The following JADE3 variants were observed in gnomAD, a reference collection of about 807,000 sequenced individuals.
JADE3 encodes the protein jade family PHD finger 3.
A neutral mutation model predicts 50.1 loss-of-function variants in JADE3; 2 were observed. The ratio of observed to expected loss-of-function variants is 0.04; its 90% CI spans 0.02 to 0.13. The LOEUF is 0.13. JADE3 is among the 10% of genes least tolerant of loss of function. The pLI is 1.00. For missense variants in JADE3, 475 were observed against 634.4 expected (o/e 0.75, Z 2.70); for synonymous variants, 218 against 232.9 (o/e 0.94, Z 0.58).
At chrX:47,018,928 A>G (rs1289541875) in intron 4 of JADE3, among the ~76,000 whole-genome samples, 2 of 112,015 alleles carry the variant, frequency 1.8e-5, no homozygotes, top group African/African-American at 6.5e-5. Flanking sequence ...GTAACAGCCC[A>G]TCCCTGGGCT....
chrX:46,962,121 G>T (rs782521251), intron 1 of JADE3, among the ~76,000 whole-genome samples: 1 of 111,287 alleles, frequency 9.0e-6, no homozygotes, highest in East Asian at 2.8e-4. Flanking sequence ...TCCTCACAGG[G>T]TCTTGTTGTG....
intron 7 of JADE3, among the ~76,000 whole-genome samples, chrX:47,037,253 G>A (rs1240298896): frequency 9.0e-6 from 1 of 111,378 alleles, no homozygotes; most frequent in Non-Finnish European, 1.9e-5. Flanking sequence ...GTTTTAAAAT[G>A]TCATCCTCCT....
Position 47,056,112 on chromosome X carries a change from C to T in JADE3, c.1474C>T (p.Arg492Ter). 8.3e-7 allele frequency: 1 copy of T among 1,205,176 alleles called. No homozygotes were observed. Among genetic ancestry groups the T allele is most frequent in the Non-Finnish European group, 1.1e-6 (1 of 890,240 alleles). The change falls in exon 10 of 11, where the codon CGA becomes TGA. Residue 492 changes from arginine to a stop codon, truncating the protein, a stop_gained. Transcript: ENST00000614628. LOFTEE classifies it high-confidence loss of function. ...VRNLCYMISR[R>*]EKLKLSHNKI... is the part of the protein sequence containing the mutation. ...AAATCTGTGCTATATGATAAGCAGACGAGAGAAGCTGAAGCTGTCACACAA... is the reference window on the plus strand; with the variant it reads ...AAATCTGTGCTATATGATAAGCAGATGAGAGAAGCTGAAGCTGTCACACAA...
At chrX:46,940,271 T>C (rs1556342022) in intron 1 of JADE3, among the ~76,000 whole-genome samples, 1 of 112,133 alleles carries the variant, frequency 8.9e-6, no homozygotes, top group Non-Finnish European at 1.9e-5. Context: ...ATATTAAACA[T>C]TATCAGTCCT....
At chrX:47,038,923 G>C (rs1929193639) in intron 7 of JADE3, 26 bp from the exon 8 acceptor site, 1 of 877,150 alleles carries the variant, frequency 1.1e-6, no homozygotes, top group Non-Finnish European at 1.7e-6. Context: ...TGGTACTTCT[G>C]CCTTATGGTG....
intron 8 of JADE3, 106 bp from the exon 9 acceptor site, chrX:47,054,052 C>T: frequency 2.0e-6 from 1 of 510,911 alleles, no homozygotes; most frequent in Non-Finnish European, 3.2e-6. Context: ...TAACTTTCTC[C>T]CGGTCTTTCT....
intron 3 of JADE3, among the ~76,000 whole-genome samples, chrX:46,992,729 G>A (rs1234231843): frequency 1.8e-5 from 2 of 111,835 alleles, no homozygotes; most frequent in Non-Finnish European, 3.8e-5. Flanking sequence ...TCACTGACAT[G>A]CAATATAAAT....
chrX:47,002,251 G>A (rs1406371971), intron 4 of JADE3, among the ~76,000 whole-genome samples: 4 of 110,723 alleles, frequency 3.6e-5, no homozygotes, highest in African/African-American at 1.3e-4. Context: ...ACATTTAAAT[G>A]CGTGAACCAT....
At chrX:46,993,509 G>T (rs1420275731) in intron 3 of JADE3, among the ~76,000 whole-genome samples, 1 of 111,630 alleles carries the variant, frequency 9.0e-6, no homozygotes, top group Non-Finnish European at 1.9e-5. Context: ...ATCAGACTTT[G>T]TTGCTCCCCC....
chrX:46,942,762 G>A (rs781828518), intron 1 of JADE3, among the ~76,000 whole-genome samples: 8 of 111,675 alleles, frequency 7.2e-5, no homozygotes, highest in African/African-American at 9.8e-5. Flanking sequence ...AATTTGATAG[G>A]AACAGTGTTG....
intron 1 of JADE3, among the ~76,000 whole-genome samples, chrX:46,955,758 C>T: frequency 9.0e-6 from 1 of 111,075 alleles, no homozygotes; most frequent in Non-Finnish European, 1.9e-5. Context: ...TGCAGGAATC[C>T]TTGCCACAGT....
At chrX:47,042,322 C>A (rs891746456) in intron 8 of JADE3, among the ~76,000 whole-genome samples, 17 of 111,897 alleles carry the variant, frequency 1.5e-4, no homozygotes, top group African/African-American at 5.2e-4. Context: ...CATTCTGCCA[C>A]TATTATGGTT....
Position 46,984,486 on chromosome X carries a change from T to C in JADE3, c.-11-398T>C, listed in dbSNP as rs147995478. On this transcript the variant is annotated intron_variant, in intron 1 of 10. Transcript: ENST00000614628. Reference sequence around the variant, plus strand: ...CAACTATGTCTCATGCTTTTCAACCTTGGCTCTTGATGGCCCTGCCCTCAT... The same window carrying C: ...CAACTATGTCTCATGCTTTTCAACCCTGGCTCTTGATGGCCCTGCCCTCAT... 4.4e-3 allele frequency among the ~76,000 whole-genome samples: 420 copies of C among 95,665 alleles called. 2 individuals are homozygous for C. The highest frequency in any genetic ancestry group is 0.016 in the African/African-American group (406 of 25,970). 83.1% of individuals were successfully genotyped at this position (95,665 alleles called of 115,157 possible). A position where few individuals can be genotyped will look rare whatever the true frequency, so the allele number is the denominator to read the frequency against.
intron 4 of JADE3, among the ~76,000 whole-genome samples, chrX:47,015,643 TG>T (rs1191452471): frequency 1.8e-5 from 2 of 110,222 alleles, no homozygotes; most frequent in Non-Finnish European, 3.8e-5. Context: ...AAAATGTACT[TG>T]AAAATATTTG....
At chrX:46,944,203 C>T (rs1240800399) in intron 1 of JADE3, among the ~76,000 whole-genome samples, 1 of 108,329 alleles carries the variant, frequency 9.2e-6, no homozygotes, top group Non-Finnish European at 1.9e-5. Context: ...TCATTTGGTT[C>T]TGCTCTGATT....
chrX:47,003,291 C>G (rs1376618850), intron 4 of JADE3, among the ~76,000 whole-genome samples: 2 of 110,318 alleles, frequency 1.8e-5, no homozygotes, highest in African/African-American at 3.3e-5. Context: ...TTGGTGAGGG[C>G]TCTCTTCCTT....
chrX:47,012,333 AC>A (rs1478173671), intron 4 of JADE3, among the ~76,000 whole-genome samples: 1 of 111,228 alleles, frequency 9.0e-6, no homozygotes, highest in Non-Finnish European at 1.9e-5. Flanking sequence ...TGTAATCCCA[AC>A]ACTTTGGGAG....
chrX:46,981,516 C>T (rs1172662216), intron 1 of JADE3, among the ~76,000 whole-genome samples: 1 of 111,662 alleles, frequency 9.0e-6, no homozygotes, highest in Admixed American at 9.5e-5. Context: ...GTTTTGTTTG[C>T]GTTTCAGAAG....
At chrX:47,010,331 C>T (rs1051418813) in intron 4 of JADE3, among the ~76,000 whole-genome samples, 2 of 111,469 alleles carry the variant, frequency 1.8e-5, no homozygotes, top group East Asian at 2.8e-4. Flanking sequence ...CCAGTTCAAC[C>T]GATTCTCCTG....
Sources: allele counts gnomAD v4.1 joint callset (sites outside exome capture counted in the v4.1 genomes callset), GRCh38; gene constraint gnomAD v4.1.1; transcripts MANE v1.5; gene names NCBI Gene and HGNC (gene_info 2026-07-23, HGNC 2026-07-21).